The following CHI3L2 variants were observed in gnomAD, a reference collection of about 807,000 sequenced individuals.
CHI3L2 encodes the protein chitinase 3 like 2.
CHI3L2 carries 47 observed loss-of-function variants against 47.3 expected under a neutral mutation model. The observed-to-expected ratio is 0.99, with a 90% confidence interval of 0.79 to 1.27. CHI3L2 has a LOEUF of 1.27. Among genes scored for constraint, CHI3L2 ranks in the 50% most tolerant of loss-of-function variants. The pLI is 0.00. For synonymous variants in CHI3L2, 198 were observed against 169.9 expected (o/e 1.17, Z -1.28); for missense variants, 497 against 462.1 (o/e 1.08, Z -0.69).
chr1:111,232,003 T>C (rs2101546891), intron 4 of CHI3L2, among the ~76,000 whole-genome samples: 1 of 152,372 alleles, frequency 6.6e-6, no homozygotes, highest in East Asian at 1.9e-4. Flanking sequence ...AGTGCTAACA[T>C]CTTAAAAAGT....
In CHI3L2 at chr1:111,227,718, C is replaced by T. The variant is rs1659564829; in HGVS notation, c.-12C>T. 1.9e-6 allele frequency: 3 copies of T among 1,614,030 alleles called. No homozygotes were observed. In the East Asian group the frequency reaches 6.7e-5, roughly 36 times the overall value. On this transcript the variant is annotated 5_prime_UTR_variant, in exon 1 of 11. Coordinates refer to ENST00000369748, the MANE Select transcript of CHI3L2 (RefSeq NM_004000.3). ...TAGAGAATGTGTATCCCAGAAGAAG[C>T]TGGCCAAGGATATGGGAGCAACCAC... is the stretch of plus-strand genomic sequence containing the variant.
At chr1:111,240,375 G>A (rs1053159867) in intron 8 of CHI3L2, among the ~76,000 whole-genome samples, 1 of 152,228 alleles carries the variant, frequency 6.6e-6, no homozygotes, top group Non-Finnish European at 1.5e-5. Flanking sequence ...ATCTCAGGGT[G>A]CCTGATACAT....
chr1:111,241,328 T>C lies in CHI3L2; in HGVS notation c.920T>C (p.Ile307Thr), dbSNP rs910061854. 1 of 1,530,006 alleles carries C rather than the reference T, an allele frequency of 6.5e-7. No homozygotes were observed. The highest frequency in any genetic ancestry group is 2.2e-5 in the East Asian group (1 of 44,640). 94.8% of individuals were successfully genotyped at this position (1,530,006 alleles called of 1,614,324 possible). The change falls in exon 9 of 11, where the codon ATC becomes ACC. Residue 307 changes from isoleucine (I) to threonine (T), a missense_variant and splice_region_variant. Coordinates refer to ENST00000369748, the MANE Select transcript of CHI3L2 (RefSeq NM_004000.3). Reference protein sequence around the residue: ...ESSGFLAYYEICQFLKGAKIT... With the variant: ...ESSGFLAYYETCQFLKGAKIT... ...TCTCGTTTCCCTTTCCCCTGCCAGA[T>C]CTGCCAGTTCCTGAAAGGAGCCAAG...
chr1:111,238,741 C>T lies in CHI3L2; in HGVS notation c.736-9C>T. Reference sequence around the variant, plus strand: ...ACACTCTGAGCCTCCATCTCTCTTCCCATTCTAGGAATATGCTGTGGGGTA... The same window carrying T: ...ACACTCTGAGCCTCCATCTCTCTTCTCATTCTAGGAATATGCTGTGGGGTA... On this transcript the variant is annotated splice_polypyrimidine_tract_variant and intron_variant, in intron 7 of 10. Transcript: ENST00000369748. The T allele has an allele frequency of 1.9e-6, 3 of 1,613,002 alleles. No individual in the cohort carries two copies. Among genetic ancestry groups the T allele is most frequent in the Admixed American group, 1.7e-5 (1 of 59,874 alleles).
chr1:111,236,174 G>A (rs375007624), intron 7 of CHI3L2, 21 bp downstream of exon 7: 16 of 1,613,138 alleles, frequency 9.9e-6, no homozygotes, highest in Middle Eastern at 1.6e-4. Flanking sequence ...CAGGGGAACC[G>A]CAGGGGTACT....
At chr1:111,234,672 G>C (rs888729683) in intron 4 of CHI3L2, among the ~76,000 whole-genome samples, 3 of 152,180 alleles carry the variant, frequency 2.0e-5, no homozygotes, top group Admixed American at 2.0e-4. Flanking sequence ...AGGCAGCTCC[G>C]TTACCCTTAG....
At chr1:111,233,810 A>G (rs567493278) in intron 4 of CHI3L2, among the ~76,000 whole-genome samples, 28 of 152,154 alleles carry the variant, frequency 1.8e-4, no homozygotes, top group Admixed American at 3.3e-4. Flanking sequence ...TGTAGAAAGA[A>G]GTAGACATGG....
chr1:111,237,406 A>G (rs1007214951), intron 7 of CHI3L2, among the ~76,000 whole-genome samples: 1 of 152,242 alleles, frequency 6.6e-6, no homozygotes, highest in South Asian at 2.1e-4. Context: ...CAATCTTTGC[A>G]AAGGCTGTTT....
intron 4 of CHI3L2, 129 bp downstream of exon 4, chr1:111,231,423 G>T: frequency 3.0e-6 from 2 of 673,130 alleles, no homozygotes; most frequent in South Asian, 1.9e-5. Context: ...TGGCAAAACT[G>T]ATCTGAGATT....
At chr1:111,234,338 T>C (rs888621380) in intron 4 of CHI3L2, among the ~76,000 whole-genome samples, 10 of 152,124 alleles carry the variant, frequency 6.6e-5, no homozygotes, top group African/African-American at 2.4e-4. Context: ...TGAGGAAATA[T>C]AGCCAAAGAG....
At chr1:111,234,497 A>T (rs1346623884) in intron 4 of CHI3L2, among the ~76,000 whole-genome samples, 1 of 152,196 alleles carries the variant, frequency 6.6e-6, no homozygotes. Context: ...GGGGGTGAGT[A>T]ATCAGGTACC....
In CHI3L2 at chr1:111,236,688, T is replaced by G. The variant is rs1659897987; in HGVS notation, c.735+535T>G. Among the ~76,000 whole-genome samples the G allele has an allele frequency of 3.3e-5, 5 of 152,134 alleles. No individual in the cohort carries two copies. In the South Asian group the frequency reaches 1.0e-3, roughly 31 times the overall value. ...AAAAATAATGTTGTTGATGTTGTTC[T>G]GGAACATAACTTATCCACCCAATGG... On this transcript the variant is annotated intron_variant, in intron 7 of 10. Transcript: ENST00000369748.
intron 8 of CHI3L2, 53 bp downstream of exon 8, chr1:111,238,985 T>C (rs932226782): frequency 2.0e-6 from 3 of 1,492,434 alleles, no homozygotes. Flanking sequence ...GGGTAGATGT[T>C]CCATCTTCAA....
At chr1:111,235,134 C>T in intron 5 of CHI3L2, 77 bp downstream of exon 5, 13 of 1,466,576 alleles carry the variant, frequency 8.9e-6, no homozygotes, top group Middle Eastern at 1.8e-4. Flanking sequence ...GAATCCATGG[C>T]CACATTGGGA....
chr1:111,234,140 A>G (rs1393824853), intron 4 of CHI3L2, among the ~76,000 whole-genome samples: 6 of 149,666 alleles, frequency 4.0e-5, no homozygotes, highest in East Asian at 4.0e-4. Context: ...CTATTGTCCT[A>G]TGACCCTGCC....
At position 111,240,361 on chromosome 1, in the gene CHI3L2, T is replaced by C. The variant is rs571693711; in HGVS notation, c.919-966T>C. 2.8e-4 allele frequency among the ~76,000 whole-genome samples: 42 copies of C among 152,348 alleles called. No homozygotes were observed. The South Asian group carries it at 5.6e-3, about 20-fold the overall frequency. On this transcript the variant is annotated intron_variant, in intron 8 of 10. Coordinates refer to ENST00000369748, the MANE Select transcript of CHI3L2 (RefSeq NM_004000.3). ...ACATGGGTCATTGTGAGAGTCCTCA[T>C]TGAATCTCAGGGTGCCTGATACATA...
chr1:111,230,007 A>G, intron 2 of CHI3L2, 126 bp downstream of exon 2: 9 of 1,027,764 alleles, frequency 8.8e-6, no homozygotes, highest in South Asian at 1.5e-5. Context: ...TGCCACTGAC[A>G]TATTTATGAC....
intron 8 of CHI3L2, among the ~76,000 whole-genome samples, chr1:111,241,053 C>T (rs765814128): frequency 6.6e-6 from 1 of 152,150 alleles, no homozygotes; most frequent in Admixed American, 6.5e-5. Flanking sequence ...ATTTATTGGT[C>T]GGTGCTGGGG....
intron 5 of CHI3L2, 142 bp from the exon 6 acceptor site, chr1:111,235,497 G>A (rs560746381): frequency 4.3e-6 from 4 of 924,608 alleles, no homozygotes; most frequent in South Asian, 3.3e-5. Context: ...CAGGCACAAG[G>A]CATCCCCATG....
Sources: allele counts gnomAD v4.1 joint callset (sites outside exome capture counted in the v4.1 genomes callset), GRCh38; gene constraint gnomAD v4.1.1; transcripts MANE v1.5; gene names NCBI Gene and HGNC (gene_info 2026-07-23, HGNC 2026-07-21).